The following RYR2 variants were observed in gnomAD, a reference collection of about 807,000 sequenced individuals.
RYR2 encodes the protein ryanodine receptor 2, also known as cardiac muscle ryanodine receptor-calcium release channel.
A neutral mutation model predicts 601.1 loss-of-function variants in RYR2; 227 were observed. That is an observed-to-expected ratio of 0.38 (90% CI 0.34 to 0.42). The LOEUF is 0.42. Among genes scored for constraint, RYR2 ranks in the 10% least tolerant of loss-of-function variants. The probability of loss-of-function intolerance (pLI) is 1.00; values close to 1 mark genes in which losing one functional copy is unlikely to be tolerated. For synonymous variants in RYR2, 2,223 were observed against 2,175.1 expected (o/e 1.02, Z -0.61); for missense variants, 4,646 against 6,156.5 (o/e 0.75, Z 8.21).
chr1:237,700,520 A>G, intron 65 of RYR2, 53 bp downstream of exon 65: 1 of 880,056 alleles, frequency 1.1e-6, no homozygotes. Context: ...AATACCCTGT[A>G]GTACAATCAA....
chr1:237,074,246 G>A (rs1664735104), intron 1 of RYR2, among the ~76,000 whole-genome samples: 2 of 152,208 alleles, frequency 1.3e-5, no homozygotes, highest in South Asian at 4.1e-4. Flanking sequence ...GAGCCCAGGA[G>A]TTCAAGGCTG....
chr1:237,406,333 G>A (rs2149971340), intron 10 of RYR2, among the ~76,000 whole-genome samples: 1 of 150,596 alleles, frequency 6.6e-6, no homozygotes, highest in South Asian at 2.1e-4. Context: ...GTGGATACAG[G>A]AACTTTGGTG....
chr1:237,329,370 G>A (rs1051890018), intron 2 of RYR2, among the ~76,000 whole-genome samples: 3 of 152,056 alleles, frequency 2.0e-5, no homozygotes, highest in East Asian at 1.9e-4. Flanking sequence ...GGCCTGGCGC[G>A]GTGGCTCATG....
intron 80 of RYR2, among the ~76,000 whole-genome samples, chr1:237,753,659 GTAACCTTGAAA>G (rs552762599): frequency 1.3e-5 from 2 of 152,096 alleles, no homozygotes; most frequent in Admixed American, 6.6e-5. Flanking sequence ...ACCTTACTGT[GTAACCTTGAAA>G]TAACCTTGAA....
At chr1:237,735,934 G>A (rs1691102263) in intron 79 of RYR2, among the ~76,000 whole-genome samples, 1 of 152,130 alleles carries the variant, frequency 6.6e-6, no homozygotes, top group African/African-American at 2.4e-5. Context: ...AGAACCAATG[G>A]AGGGCCAACT....
chr1:237,106,668 C>A lies in RYR2; in HGVS notation c.48+64099C>A, dbSNP rs998059960. Among the ~76,000 whole-genome samples the A allele has an allele frequency of 1.3e-5, 2 of 152,166 alleles. No homozygotes were observed. Among genetic ancestry groups the A allele is most frequent in the African/African-American group, 2.4e-5 (1 of 41,432 alleles). On this transcript the variant is annotated intron_variant, in intron 1 of 104. Transcript: ENST00000366574. This position sits in a 1 kb window ranked among gnomAD's most constrained non-coding sequence, Gnocchi z 4.4. Reference sequence around the variant, plus strand: ...TCAGTGTGATGTGTATACAGTGTCCCTTTTTCAGACATGGCACCTTCGTCC... The same window carrying A: ...TCAGTGTGATGTGTATACAGTGTCCATTTTTCAGACATGGCACCTTCGTCC...
intron 1 of RYR2, among the ~76,000 whole-genome samples, chr1:237,269,462 A>G (rs555477600): frequency 1.4e-4 from 21 of 152,046 alleles, no homozygotes; most frequent in Non-Finnish European, 2.6e-4. Context: ...GGCTTCTAGA[A>G]TATACTTGTG....
At chr1:237,134,818 A>G (rs1158646988) in intron 1 of RYR2, among the ~76,000 whole-genome samples, 1 of 152,214 alleles carries the variant, frequency 6.6e-6, no homozygotes, top group East Asian at 1.9e-4. Flanking sequence ...TTAATTCCCA[A>G]AACACTCTGT....
At chr1:237,541,732 A>AT (rs1334205429) in intron 25 of RYR2, among the ~76,000 whole-genome samples, 1 of 152,080 alleles carries the variant, frequency 6.6e-6, no homozygotes, top group Non-Finnish European at 1.5e-5. Flanking sequence ...ATAAAGGAAA[A>AT]TTACAGTCAA....
intron 1 of RYR2, among the ~76,000 whole-genome samples, chr1:237,056,665 G>GT (rs1421558895): frequency 0.07 from 5,691 of 80,924 alleles, 71 homozygotes; most frequent in East Asian, 0.14. Flanking sequence ...GAGGACTAGA[G>GT]ACTGCATTGT....
chr1:237,206,811 T>G (rs1681870508), intron 1 of RYR2, among the ~76,000 whole-genome samples: 1 of 152,206 alleles, frequency 6.6e-6, no homozygotes, highest in Non-Finnish European at 1.5e-5. Context: ...TCCCGGCCAT[T>G]GCATTTTTAT....
chr1:237,326,273 T>TA (rs900046001), intron 2 of RYR2, among the ~76,000 whole-genome samples: 52 of 146,316 alleles, frequency 3.6e-4, no homozygotes, highest in African/African-American at 6.2e-4. Context: ...AGTTTGTATT[T>TA]AAAAAAAAAA....
In RYR2 at chr1:237,788,048, G is replaced by T; in HGVS notation, c.13389G>T (p.Arg4463Ser). 2 of 1,610,158 alleles carry T rather than the reference G, an allele frequency of 1.2e-6. No individual in the cohort carries two copies. The highest frequency in any genetic ancestry group is 1.1e-5 in the South Asian group (1 of 90,228). ...AAGACAAGGGCAAACAAAAGTTGAG[G>T]CAGCTTCACACACACAGATACGGAG... ...AKEDKGKQKL[R>S]QLHTHRYGEP... is the part of the protein sequence containing the mutation. Residue 4463 changes from arginine to serine, a missense_variant, in exon 92 of 105, where the codon AGG becomes AGT. Coordinates refer to ENST00000366574, the MANE Select transcript of RYR2 (RefSeq NM_001035.3).
At chr1:237,525,688 A>T (rs1667506674) in intron 24 of RYR2, among the ~76,000 whole-genome samples, 3 of 151,892 alleles carry the variant, frequency 2.0e-5, no homozygotes, top group Admixed American at 1.3e-4. Context: ...TGACCTGATA[A>T]TGATTTCTTG....
intron 61 of RYR2, among the ~76,000 whole-genome samples, chr1:237,679,470 G>A (rs189563306): frequency 2.6e-5 from 4 of 152,264 alleles, no homozygotes; most frequent in Admixed American, 2.6e-4. Context: ...AGTATGTTTA[G>A]ATAGACATGA....
chr1:237,749,933 G>A (rs1367430622), intron 80 of RYR2, among the ~76,000 whole-genome samples: 1 of 152,036 alleles, frequency 6.6e-6, no homozygotes, highest in African/African-American at 2.4e-5. Flanking sequence ...ATCACCTGAG[G>A]TCAGGAGTTC....
intron 10 of RYR2, among the ~76,000 whole-genome samples, chr1:237,393,296 C>T (rs114071564): frequency 1.3e-5 from 2 of 152,294 alleles, no homozygotes; most frequent in Admixed American, 6.5e-5. Flanking sequence ...AAATGTGACT[C>T]AGCAGGAAAA....
intron 13 of RYR2, among the ~76,000 whole-genome samples, chr1:237,442,769 T>C (rs959576318): frequency 1.3e-5 from 2 of 152,190 alleles, no homozygotes; most frequent in Admixed American, 1.3e-4. Context: ...CCATTGCCTA[T>C]GCTCTTGGTA....
chr1:237,409,499 G>T (rs1704232594), intron 10 of RYR2, among the ~76,000 whole-genome samples: 1 of 152,018 alleles, frequency 6.6e-6, no homozygotes, highest in Non-Finnish European at 1.5e-5. Context: ...GTATACAAAA[G>T]GAGAAAATAT....
Sources: gnomAD v4.1 joint callset for allele counts (sites outside exome capture counted in the v4.1 genomes callset) on GRCh38, gnomAD v4.1.1 for gene constraint, Gnocchi (gnomAD v3.1) non-coding constraint, MANE v1.5 for transcripts, NCBI Gene and HGNC (gene_info 2026-07-23, HGNC 2026-07-21) for gene names.